ENOX2: variants seen among roughly 807,000 people sequenced by gnomAD.
The protein encoded by ENOX2 is ecto-NOX disulfide-thiol exchanger 2, also known as APK1 antigen.
In ENOX2, 36 loss-of-function variants were observed where a neutral mutation model predicts 45.0. That is an observed-to-expected ratio of 0.80 (90% CI 0.61 to 1.06). The LOEUF is 1.06. Ranked by LOEUF, ENOX2 falls within the 50% of genes least tolerant of loss-of-function variation. The pLI is 0.00. For synonymous variants in ENOX2, 174 were observed against 152.3 expected (o/e 1.14, Z -1.05); for missense variants, 423 against 462.5 (o/e 0.91, Z 0.78).
chrX:130,767,378 T>C (rs1477350569), intron 3 of ENOX2, among the ~76,000 whole-genome samples: 1 of 111,864 alleles, frequency 8.9e-6, no homozygotes, highest in Non-Finnish European at 1.9e-5. Flanking sequence ...AATGAATGAA[T>C]GTATGAATGA....
At chrX:130,759,611 T>G (rs1267879206) in intron 3 of ENOX2, among the ~76,000 whole-genome samples, 2 of 105,152 alleles carry the variant, frequency 1.9e-5, no homozygotes, top group Admixed American at 1.0e-4. Context: ...AAAAGTCAGT[T>G]GGGTGCATTT....
rs775887414 is a variant in ENOX2 at position 130,689,003 on chromosome X, A to C, written c.113T>G (p.Leu38Arg). 8.3e-6 allele frequency: 10 copies of C among 1,206,349 alleles called. No individual in the cohort carries two copies. Among genetic ancestry groups the C allele is most frequent in the Non-Finnish European group, 4.5e-6 (4 of 893,211 alleles). Residue 38 changes from leucine (L) to arginine (R), a missense_variant, in exon 5 of 15, where the codon CTT becomes CGT. Coordinates refer to ENST00000394363, the MANE Select transcript of ENOX2 (RefSeq NM_006375.4). ...QPILPDFDPA[L>R]GMMTGIPPIT... ...TGGTGGAATTCCAGTCATCATTCCA[A>C]GAGCAGGATCAAAGTCTAAAAAAGG...
At chrX:130,878,016 G>C (rs2033686066) in intron 2 of ENOX2, among the ~76,000 whole-genome samples, 1 of 112,252 alleles carries the variant, frequency 8.9e-6, no homozygotes, top group Non-Finnish European at 1.9e-5. Context: ...TAGTACACCA[G>C]AGCCTTACTA....
chrX:130,811,331 C>T (rs769618300), intron 2 of ENOX2, among the ~76,000 whole-genome samples: 6 of 112,304 alleles, frequency 5.3e-5, no homozygotes, highest in Non-Finnish European at 1.1e-4. Flanking sequence ...TCCAAGGATA[C>T]AGTTTCCAGT....
At chrX:130,666,921 T>G (rs1287511627) in intron 8 of ENOX2, among the ~76,000 whole-genome samples, 2 of 112,344 alleles carry the variant, frequency 1.8e-5, no homozygotes. Context: ...ACTTGATAAT[T>G]TATCTGATCT....
intron 3 of ENOX2, among the ~76,000 whole-genome samples, chrX:130,712,462 C>T (rs2038218946): frequency 8.9e-6 from 1 of 111,757 alleles, no homozygotes; most frequent in Non-Finnish European, 1.9e-5. Flanking sequence ...CAAGTGGGCT[C>T]AGGCATGTGC....
rs904022537 is a variant in ENOX2, at chrX:130,667,216, G to A, written c.907+314C>T. Among the ~76,000 whole-genome samples the A allele has an allele frequency of 3.6e-5, 4 of 112,002 alleles. No homozygotes were observed. The South Asian group carries it at 1.1e-3, about 31-fold the overall frequency. On this transcript the variant is annotated intron_variant, in intron 8 of 14. Transcript: ENST00000394363. ...AGCTTTAAAATGCTGATGCTACATC[G>A]TAACTTTAGCAATAAAATACCCAGC...
intron 2 of ENOX2, among the ~76,000 whole-genome samples, chrX:130,846,423 T>C (rs2078107447): frequency 9.1e-6 from 1 of 109,911 alleles, no homozygotes; most frequent in Non-Finnish European, 1.9e-5. Context: ...CCGCAACCTC[T>C]GCCTCCCGGA....
chrX:130,755,965 G>T (rs964548241), intron 3 of ENOX2, among the ~76,000 whole-genome samples: 2 of 110,876 alleles, frequency 1.8e-5, no homozygotes, highest in Non-Finnish European at 3.8e-5. Context: ...ACATCATGGG[G>T]TCACATTTTT....
chrX:130,771,191 C>T (rs1301361656), intron 3 of ENOX2, among the ~76,000 whole-genome samples: 4 of 112,127 alleles, frequency 3.6e-5, no homozygotes, highest in Admixed American at 9.4e-5. Context: ...GCTTGTTATA[C>T]GAGTATGCTG....
At chrX:130,696,130 G>A (rs1307470871) in intron 4 of ENOX2, among the ~76,000 whole-genome samples, 1 of 112,255 alleles carries the variant, frequency 8.9e-6, no homozygotes, top group East Asian at 2.8e-4. Context: ...ACTGGGATTG[G>A]TGGGTTATGT....
intron 10 of ENOX2, among the ~76,000 whole-genome samples, chrX:130,638,432 A>ACC (rs2035993069): frequency 1.9e-5 from 1 of 52,762 alleles, no homozygotes; most frequent in Admixed American, 2.1e-4. Flanking sequence ...ACAATTTGAA[A>ACC]CACACACACA....
intron 5 of ENOX2, among the ~76,000 whole-genome samples, chrX:130,682,583 CAAAAAAAAAAAAAAAAAAAA>C (rs55875735): frequency 6.8e-5 from 1 of 14,650 alleles, no homozygotes; most frequent in African/African-American, 2.0e-4. Flanking sequence ...GACTCCGTCT[CAAAAAAAAAAAAAAAAAAAA>C]AAAAAAAAAA....
chrX:130,796,392 C>G (rs1378235993), intron 2 of ENOX2, among the ~76,000 whole-genome samples: 1 of 111,362 alleles, frequency 9.0e-6, no homozygotes. Flanking sequence ...AATCCATGCT[C>G]AAAAATAAAA....
At chrX:130,656,328 G>A (rs1037938109) in intron 10 of ENOX2, among the ~76,000 whole-genome samples, 4 of 112,319 alleles carry the variant, frequency 3.6e-5, no homozygotes, top group Non-Finnish European at 7.5e-5. Context: ...AATGCCCAGC[G>A]CTTTTTGGAA....
At chrX:130,830,985 T>G (rs987041241) in intron 2 of ENOX2, among the ~76,000 whole-genome samples, 4 of 111,842 alleles carry the variant, frequency 3.6e-5, no homozygotes, top group Non-Finnish European at 7.5e-5. Flanking sequence ...AAGACCAATA[T>G]TAAGGGGCTA....
intron 5 of ENOX2, among the ~76,000 whole-genome samples, chrX:130,682,165 CA>C (rs2037321161): frequency 9.0e-6 from 1 of 111,016 alleles, no homozygotes; most frequent in South Asian, 3.8e-4. Context: ...AATTAGGTGG[CA>C]AAGAATCCTT....
At chrX:130,695,968 G>A (rs989715266) in intron 4 of ENOX2, among the ~76,000 whole-genome samples, 2 of 111,530 alleles carry the variant, frequency 1.8e-5, no homozygotes, top group African/African-American at 6.5e-5. Flanking sequence ...AGCCCTCTTG[G>A]AGGCACAAGT....
intron 3 of ENOX2, among the ~76,000 whole-genome samples, chrX:130,719,733 C>T (rs1603323738): frequency 1.8e-5 from 2 of 111,932 alleles, no homozygotes; most frequent in East Asian, 5.6e-4. Flanking sequence ...GAAAGAAATG[C>T]AATACAGTGG....
Sources: allele counts gnomAD v4.1 joint callset (sites outside exome capture counted in the v4.1 genomes callset), GRCh38; gene constraint gnomAD v4.1.1; transcripts MANE v1.5; gene names NCBI Gene and HGNC (gene_info 2026-07-23, HGNC 2026-07-21).